Variants in LAMA2 observed in about 807,000 individuals in gnomAD.
The protein encoded by LAMA2 is laminin subunit alpha-2.
A neutral mutation model predicts 364.8 loss-of-function variants in LAMA2; 269 were observed. The ratio of observed to expected loss-of-function variants is 0.74; its 90% CI spans 0.67 to 0.82. The LOEUF is 0.82. Ranked by LOEUF, LAMA2 falls within the 40% of genes least tolerant of loss-of-function variation. The pLI, the probability that LAMA2 is intolerant of heterozygous loss-of-function variation, is 0.00. For synonymous variants in LAMA2, 1,379 were observed against 1,370.6 expected (o/e 1.01, Z -0.14); for missense variants, 3,807 against 3,873.2 (o/e 0.98, Z 0.45).
At chr6:129,425,884 A>G (rs1781303015) in intron 40 of LAMA2, among the ~76,000 whole-genome samples, 1 of 151,548 alleles carries the variant, frequency 6.6e-6, no homozygotes, top group African/African-American at 2.4e-5. Flanking sequence ...TTTTCTCTCC[A>G]CTTTAATCCT....
At chr6:128,959,548 C>T (rs1781353243) in intron 1 of LAMA2, among the ~76,000 whole-genome samples, 1 of 152,156 alleles carries the variant, frequency 6.6e-6, no homozygotes, top group Non-Finnish European at 1.5e-5. Context: ...GTTTCCACTT[C>T]AGGTGCTTTG....
intron 12 of LAMA2, among the ~76,000 whole-genome samples, chr6:129,239,193 A>G (rs902478637): frequency 1.6e-4 from 24 of 152,318 alleles, no homozygotes; most frequent in African/African-American, 4.6e-4. Flanking sequence ...GATTTCCCTG[A>G]TGGAGACTTG....
chr6:128,910,664 G>A (rs376627347), intron 1 of LAMA2, among the ~76,000 whole-genome samples: 6 of 152,202 alleles, frequency 3.9e-5, no homozygotes, highest in East Asian at 1.9e-4. Flanking sequence ...GTCTAGCTTC[G>A]TTCTGTTGTT....
chr6:129,184,762 G>T (rs1337831111), intron 10 of LAMA2, among the ~76,000 whole-genome samples: 1 of 151,770 alleles, frequency 6.6e-6, no homozygotes, highest in Non-Finnish European at 1.5e-5. Context: ...TACTAAGGTT[G>T]CTTTTTCTCT....
At chr6:129,172,147 G>A (rs1780206284) in intron 9 of LAMA2, among the ~76,000 whole-genome samples, 2 of 151,642 alleles carry the variant, frequency 1.3e-5, no homozygotes, top group Admixed American at 1.3e-4. Context: ...AGAGTAATTT[G>A]ATCGTCTGAA....
At chr6:129,010,427 G>T (rs1314628109) in intron 1 of LAMA2, among the ~76,000 whole-genome samples, 1 of 152,096 alleles carries the variant, frequency 6.6e-6, no homozygotes, top group Non-Finnish European at 1.5e-5. Context: ...TATGGCAAAC[G>T]CTCACACACA....
At chr6:129,391,930 C>T (rs987978198) in intron 36 of LAMA2, among the ~76,000 whole-genome samples, 1 of 152,110 alleles carries the variant, frequency 6.6e-6, no homozygotes, top group African/African-American at 2.4e-5. Flanking sequence ...AGTAAATGAT[C>T]TTTTCTGGTG....
chr6:129,053,495 T>C (rs1308315482), intron 2 of LAMA2, among the ~76,000 whole-genome samples: 1 of 151,956 alleles, frequency 6.6e-6, no homozygotes, highest in Non-Finnish European at 1.5e-5. Flanking sequence ...CAGAGCCCTT[T>C]GCTTTTATGT....
At chr6:129,185,553 A>G (rs1313971340) in intron 10 of LAMA2, among the ~76,000 whole-genome samples, 1 of 151,880 alleles carries the variant, frequency 6.6e-6, no homozygotes, top group Non-Finnish European at 1.5e-5. Context: ...TTCTTTGGGA[A>G]CAAAAATATC....
chr6:129,268,070 T>C (rs1162499807), intron 16 of LAMA2, among the ~76,000 whole-genome samples: 1 of 152,144 alleles, frequency 6.6e-6, no homozygotes, highest in Non-Finnish European at 1.5e-5. Context: ...ATCTTTCTCT[T>C]GCTCATTTTC....
At chr6:129,472,826 A>G (rs6905196) in intron 51 of LAMA2, among the ~76,000 whole-genome samples, 76,864 of 151,814 alleles carry the variant, frequency 0.51, 21,288 homozygotes, top group African/African-American at 0.75. Context: ...GATTAGGCAT[A>G]TTTCTAATTA....
At chr6:129,094,520 T>G (rs1775053654) in intron 3 of LAMA2, among the ~76,000 whole-genome samples, 1 of 152,222 alleles carries the variant, frequency 6.6e-6, no homozygotes, top group African/African-American at 2.4e-5. Context: ...TATGAAGTCA[T>G]AAATCCACAT....
In LAMA2 at chr6:129,108,619, C is replaced by G. The variant is rs139863472; in HGVS notation, c.639+10204C>G. On this transcript the variant is annotated intron_variant, in intron 4 of 64. Coordinates refer to ENST00000421865, the MANE Select transcript of LAMA2 (RefSeq NM_000426.4). ...TTCAGCTGTTCTTAAAAGACCTTCC[C>G]TTTTAAGGGAACTTACATTTTCCCT... is the stretch of plus-strand genomic sequence containing the variant. Among the ~76,000 whole-genome samples the G allele has an allele frequency of 2.0e-5, 3 of 152,188 alleles. No homozygotes were observed. The East Asian group carries it at 5.8e-4, about 29-fold the overall frequency.
At chr6:129,219,179 C>T (rs1783623723) in intron 12 of LAMA2, among the ~76,000 whole-genome samples, 1 of 152,148 alleles carries the variant, frequency 6.6e-6, no homozygotes, top group Non-Finnish European at 1.5e-5. Context: ...ATAAGACAGA[C>T]ACTTCTCAAA....
chr6:128,890,783 T>C (rs1158954679), intron 1 of LAMA2, among the ~76,000 whole-genome samples: 2 of 152,132 alleles, frequency 1.3e-5, no homozygotes, highest in Non-Finnish European at 2.9e-5. Context: ...GTATTTATTA[T>C]ACTGTATAAT....
At chr6:129,053,566 G>GA (rs889627989) in intron 2 of LAMA2, among the ~76,000 whole-genome samples, 4 of 151,920 alleles carry the variant, frequency 2.6e-5, no homozygotes, top group Non-Finnish European at 4.4e-5. Context: ...GATTTCAAGG[G>GA]AAAAAAATCA....
chr6:128,900,667 T>A (rs980152566), intron 1 of LAMA2, among the ~76,000 whole-genome samples: 3 of 152,206 alleles, frequency 2.0e-5, no homozygotes, highest in Admixed American at 2.0e-4. Flanking sequence ...TATTTAAATT[T>A]AAGTGAGGAT....
intron 3 of LAMA2, among the ~76,000 whole-genome samples, chr6:129,095,220 A>C (rs997742679): frequency 6.6e-6 from 1 of 152,206 alleles, no homozygotes; most frequent in Admixed American, 6.5e-5. Context: ...GTTTGCCATG[A>C]AATATCTCAC....
intron 13 of LAMA2, among the ~76,000 whole-genome samples, chr6:129,250,947 C>A (rs1053222836): frequency 7.3e-5 from 11 of 151,704 alleles, no homozygotes; most frequent in African/African-American, 2.4e-4. Context: ...ATGAAAAATT[C>A]TTTTCTCAAA....
Sources: gnomAD v4.1 joint callset for allele counts (sites outside exome capture counted in the v4.1 genomes callset) on GRCh38, gnomAD v4.1.1 for gene constraint, MANE v1.5 for transcripts, NCBI Gene and HGNC (gene_info 2026-07-23, HGNC 2026-07-21) for gene names.